Variants in SCG5 observed in about 807,000 individuals in gnomAD.
SCG5 encodes the protein neuroendocrine protein 7B2.
A neutral mutation model predicts 25.7 loss-of-function variants in SCG5; 18 were observed. The observed-to-expected ratio is 0.70, with a 90% confidence interval of 0.48 to 1.04. The LOEUF is 1.04. SCG5 is among the 50% of genes least tolerant of loss of function. The pLI is 0.00. For synonymous variants in SCG5, 101 were observed against 91.7 expected, an observed-to-expected ratio of 1.10 and a Z score of -0.58; for missense variants, 206 against 259.8, an observed-to-expected ratio of 0.79 and a Z score of 1.42.
chr15:32,694,516 A>G (rs2054919976), intron 5 of SCG5, among the ~76,000 whole-genome samples: 1 of 152,226 alleles, frequency 6.6e-6, no homozygotes, highest in South Asian at 2.1e-4. Context: ...TTAATCTCAT[A>G]TTTGATAAAC....
chr15:32,651,439 T>C (rs1271887008), intron 2 of SCG5, among the ~76,000 whole-genome samples: 1 of 152,226 alleles, frequency 6.6e-6, no homozygotes, highest in Non-Finnish European at 1.5e-5. Flanking sequence ...CAACAGTTGC[T>C]TCCCATTTGA....
At chr15:32,668,857 G>A (rs965189620) in intron 2 of SCG5, 3 of 152,176 alleles carry the variant, frequency 2.0e-5, no homozygotes, top group South Asian at 2.1e-4. Flanking sequence ...TCCTTTACTC[G>A]TTTCTTAAGT....
At chr15:32,657,158 G>T (rs1341632411) in intron 2 of SCG5, among the ~76,000 whole-genome samples, 1 of 83,290 alleles carries the variant, frequency 1.2e-5, no homozygotes, top group African/African-American at 4.0e-5. Flanking sequence ...CAGGTGCAAA[G>T]CATCATTCTC....
At position 32,650,684 on chromosome 15, in the gene SCG5, T is replaced by A. The variant is rs75614669; in HGVS notation, c.226+6866T>A. ...GATGATGGCCTTGGATGGCCTTGGA[T>A]GAATCCAACCAGAAAATGTGCTTTC... On this transcript the variant is annotated intron_variant, in intron 2 of 5. Transcript: ENST00000300175. Among the ~76,000 whole-genome samples the A allele has an allele frequency of 2.6e-3, 400 of 152,090 alleles. 9 individuals carry two copies. The East Asian group carries it at 0.05, about 19-fold the overall frequency.
chr15:32,657,400 A>G (rs772017932), intron 2 of SCG5, among the ~76,000 whole-genome samples: 3 of 151,110 alleles, frequency 2.0e-5, no homozygotes, highest in Non-Finnish European at 4.4e-5. Flanking sequence ...CGTGAGAAAC[A>G]TGTGACTGTA....
At chr15:32,663,030 AGAATATATATATATATATAT>A (rs2054248889) in intron 2 of SCG5, among the ~76,000 whole-genome samples, 1 of 77,490 alleles carries the variant, frequency 1.3e-5, no homozygotes, top group Non-Finnish European at 2.4e-5. Context: ...TTAAAAAAAA[AGAATATATATATATATATAT>A]ATATATATAT....
At chr15:32,662,220 A>T (rs1420593287) in intron 2 of SCG5, among the ~76,000 whole-genome samples, 1 of 152,166 alleles carries the variant, frequency 6.6e-6, no homozygotes, top group Non-Finnish European at 1.5e-5. Flanking sequence ...ATTTCTATGA[A>T]AAGAAGAATA....
chr15:32,669,754 G>A (rs2054386656), intron 2 of SCG5, among the ~76,000 whole-genome samples: 1 of 151,944 alleles, frequency 6.6e-6, no homozygotes, highest in Non-Finnish European at 1.5e-5. Context: ...GGGGTTTTGT[G>A]TGTATGTGTT....
chr15:32,689,902 C>T lies in SCG5; in HGVS notation c.490-1808C>T, dbSNP rs570165832. Among the ~76,000 whole-genome samples, 6 of 148,050 alleles carry T rather than the reference C, an allele frequency of 4.1e-5. No individual in the cohort carries two copies. In the East Asian group the frequency reaches 6.0e-4, roughly 15 times the overall value. ...TGTCCCCCAGGCTGGAGTGCAGTGG[C>T]GCAATCTCAGCTCACTGCAAGCTCT... On this transcript the variant is annotated intron_variant, in intron 4 of 5. Transcript: ENST00000300175.
intron 2 of SCG5, among the ~76,000 whole-genome samples, chr15:32,663,098 A>C (rs2054264055): frequency 6.9e-6 from 1 of 144,812 alleles, no homozygotes; most frequent in African/African-American, 2.5e-5. Flanking sequence ...TATGTTATAT[A>C]TACACATATG....
intron 3 of SCG5, among the ~76,000 whole-genome samples, chr15:32,680,302 TCTC>T (rs1327212871): frequency 2.0e-5 from 3 of 151,570 alleles, no homozygotes; most frequent in African/African-American, 7.3e-5. Context: ...TTCATGCCAT[TCTC>T]CTGCCTCAGC....
intron 5 of SCG5, among the ~76,000 whole-genome samples, chr15:32,693,926 A>T (rs996131340): frequency 6.6e-6 from 1 of 152,182 alleles, no homozygotes; most frequent in African/African-American, 2.4e-5. Flanking sequence ...CCTGGCCAAC[A>T]TGGTGAAACC....
chr15:32,659,879 TA>T (rs61314216), intron 2 of SCG5, among the ~76,000 whole-genome samples: 765 of 144,950 alleles, frequency 5.3e-3, no homozygotes, highest in African/African-American at 9.4e-3. Context: ...TGCTTTCCTT[TA>T]AAAAAAAAAA....
chr15:32,690,558 T>G (rs568099695), intron 4 of SCG5, among the ~76,000 whole-genome samples: 60 of 152,286 alleles, frequency 3.9e-4, no homozygotes, highest in African/African-American at 1.4e-3. Flanking sequence ...AGTACTGGTG[T>G]TTTTGGTAGT....
At chr15:32,656,384 G>C (rs1567072921) in intron 2 of SCG5, 1 of 152,250 alleles carries the variant, frequency 6.6e-6, no homozygotes, top group Non-Finnish European at 1.5e-5. Context: ...CATGTAGGAA[G>C]TGGAATTGTG....
intron 2 of SCG5, among the ~76,000 whole-genome samples, chr15:32,666,904 T>C (rs984994577): frequency 1.3e-5 from 2 of 152,208 alleles, no homozygotes; most frequent in African/African-American, 4.8e-5. Context: ...TCTATACACC[T>C]GCTCTGACCG....
intron 2 of SCG5, among the ~76,000 whole-genome samples, chr15:32,657,710 C>T (rs557368952): frequency 6.6e-6 from 1 of 152,298 alleles, no homozygotes; most frequent in African/African-American, 2.4e-5. Context: ...ATGATCGGTA[C>T]ACTTCCTTGA....
intron 2 of SCG5, among the ~76,000 whole-genome samples, chr15:32,647,007 A>G (rs1442293311): frequency 6.6e-6 from 1 of 152,214 alleles, no homozygotes; most frequent in Non-Finnish European, 1.5e-5. Flanking sequence ...TGAATTTCAA[A>G]TACACTTAAC....
chr15:32,649,019 G>T (rs1306546425), intron 2 of SCG5, among the ~76,000 whole-genome samples: 2 of 152,184 alleles, frequency 1.3e-5, no homozygotes, highest in African/African-American at 2.4e-5. Context: ...GCCTCCCAAA[G>T]TGCTGGGATT....
Sources: allele counts gnomAD v4.1 joint callset (sites outside exome capture counted in the v4.1 genomes callset), GRCh38; gene constraint gnomAD v4.1.1; transcripts MANE v1.5; gene names NCBI Gene and HGNC (gene_info 2026-07-23, HGNC 2026-07-21).